SYT1: variants seen among roughly 807,000 people sequenced by gnomAD.
SYT1 encodes synaptotagmin 1.
Under a neutral mutation model 44.8 loss-of-function variants are expected in SYT1, and 8 were observed. That is an observed-to-expected ratio of 0.18 (90% CI 0.10 to 0.32). The LOEUF (loss-of-function observed/expected upper bound fraction) is 0.32. Among genes scored for constraint, SYT1 ranks in the 10% least tolerant of loss-of-function variants. The pLI, the probability that SYT1 is intolerant of heterozygous loss-of-function variation, is 1.00. For synonymous variants in SYT1, 154 were observed against 188.8 expected, an observed-to-expected ratio of 0.82 and a Z score of 1.51; for missense variants, 286 against 509.3, an observed-to-expected ratio of 0.56 and a Z score of 4.22.
At chr12:79,193,831 C>T (rs1873276797) in intron 3 of SYT1, among the ~76,000 whole-genome samples, 2 of 152,154 alleles carry the variant, frequency 1.3e-5, no homozygotes, top group Admixed American at 6.5e-5. Context: ...TCAAATTCCA[C>T]ATTTTTTATT....
rs1235378774 is a variant in SYT1, at chr12:78,866,687, G to A, written c.-217+1578G>A. Among the ~76,000 whole-genome samples, 3 of 152,268 alleles carry A rather than the reference G, an allele frequency of 2.0e-5. No homozygotes were observed. The East Asian group carries it at 5.8e-4, about 29-fold the overall frequency. On this transcript the variant is annotated intron_variant, in intron 1 of 10. Coordinates refer to ENST00000261205, the MANE Select transcript of SYT1 (RefSeq NM_005639.3). ...TTGATGTAATAGGAAAGCATTCCAA[G>A]TGGGTCTTACCTGAACACAGAGAAA... is the stretch of plus-strand genomic sequence containing the variant.
chr12:79,012,670 TC>T (rs564483527), intron 2 of SYT1, among the ~76,000 whole-genome samples: 185 of 152,266 alleles, frequency 1.2e-3, no homozygotes, highest in Non-Finnish European at 2.2e-3. Context: ...TTATAATATT[TC>T]CTGGTTCCTT....
chr12:78,970,774 A>C (rs1868354894), intron 1 of SYT1, among the ~76,000 whole-genome samples: 1 of 152,216 alleles, frequency 6.6e-6, no homozygotes, highest in Admixed American at 6.5e-5. Flanking sequence ...TCAACCGAGA[A>C]ATAAACCCAA....
intron 2 of SYT1, among the ~76,000 whole-genome samples, chr12:79,027,536 A>T (rs1326653559): frequency 6.6e-6 from 1 of 151,422 alleles, no homozygotes; most frequent in Non-Finnish European, 1.5e-5. Context: ...CATAGATATT[A>T]TGTAGATATA....
intron 2 of SYT1, among the ~76,000 whole-genome samples, chr12:78,982,141 G>T (rs1419249978): frequency 6.6e-6 from 1 of 152,116 alleles, no homozygotes; most frequent in African/African-American, 2.4e-5. Flanking sequence ...TACATTCAAA[G>T]TGAAGAAAAA....
At chr12:79,137,398 A>G (rs949242212) in intron 3 of SYT1, among the ~76,000 whole-genome samples, 51 of 152,194 alleles carry the variant, frequency 3.4e-4, no homozygotes, top group Non-Finnish European at 2.8e-4. Flanking sequence ...ACCCGGCCAG[A>G]ACTTTTTTAT....
chr12:79,117,791 G>A (rs183854343), intron 3 of SYT1, among the ~76,000 whole-genome samples: 67 of 143,900 alleles, frequency 4.7e-4, no homozygotes, highest in African/African-American at 1.6e-3. Flanking sequence ...ATTATTTATG[G>A]CACTGTTGGT....
intron 1 of SYT1, among the ~76,000 whole-genome samples, chr12:78,873,969 T>G (rs2137039713): frequency 6.6e-6 from 1 of 151,710 alleles, no homozygotes; most frequent in Middle Eastern, 3.4e-3. Flanking sequence ...AACAGGAATT[T>G]TAGTTGGGAA....
intron 4 of SYT1, among the ~76,000 whole-genome samples, chr12:79,254,522 T>G (rs1160041560): frequency 1.3e-5 from 2 of 152,224 alleles, no homozygotes; most frequent in Admixed American, 6.5e-5. Flanking sequence ...TAACACAACA[T>G]CCTTTCTGAA....
intron 8 of SYT1, among the ~76,000 whole-genome samples, chr12:79,301,899 TGTATA>T (rs1565898322): frequency 6.6e-5 from 10 of 152,168 alleles, no homozygotes; most frequent in African/African-American, 2.4e-4. Context: ...TATAAAAAAC[TGTATA>T]AGACAGATGT....
At chr12:79,442,527 A>G (rs1158512267) in intron 9 of SYT1, among the ~76,000 whole-genome samples, 3 of 152,162 alleles carry the variant, frequency 2.0e-5, no homozygotes, top group Non-Finnish European at 4.4e-5. Flanking sequence ...CATATATCCT[A>G]GTAATGCAGT....
chr12:79,205,958 C>G (rs74107347), intron 3 of SYT1, among the ~76,000 whole-genome samples: 1 of 151,966 alleles, frequency 6.6e-6, no homozygotes, highest in Non-Finnish European at 1.5e-5. Context: ...TTAGGAAATA[C>G]GTATTTCATG....
At chr12:79,264,359 T>G (rs1468558889) in intron 4 of SYT1, among the ~76,000 whole-genome samples, 1 of 152,122 alleles carries the variant, frequency 6.6e-6, no homozygotes, top group Admixed American at 6.5e-5. Context: ...TTTTGTATTT[T>G]TAGCAGAGAC....
chr12:79,391,394 A>G lies in SYT1; in HGVS notation c.928+37775A>G, dbSNP rs145440384. On this transcript the variant is annotated intron_variant, in intron 9 of 10. Coordinates refer to ENST00000261205, the MANE Select transcript of SYT1 (RefSeq NM_005639.3). ...AGCAGTGATTTTCAAAGCCAACAGT[A>G]AAAGAAGCTTTCAAAAATCCCTTCC... Among the ~76,000 whole-genome samples the G allele has an allele frequency of 5.2e-3, 785 of 152,346 alleles. 5 individuals carry two copies. Among genetic ancestry groups the G allele is most frequent in the African/African-American group, 0.017 (706 of 41,576 alleles).
At chr12:79,115,246 G>A (rs960715703) in intron 3 of SYT1, among the ~76,000 whole-genome samples, 24 of 152,214 alleles carry the variant, frequency 1.6e-4, no homozygotes, top group African/African-American at 4.3e-4. Flanking sequence ...TTACCTCTGG[G>A]CAGGACTGAG....
At chr12:79,002,650 A>G (rs1488018274) in intron 2 of SYT1, among the ~76,000 whole-genome samples, 1 of 151,956 alleles carries the variant, frequency 6.6e-6, no homozygotes, top group Non-Finnish European at 1.5e-5. Context: ...TATTTCATTT[A>G]TATTCCAAGT....
intron 1 of SYT1, among the ~76,000 whole-genome samples, chr12:78,912,835 G>GGA (rs1355461566): frequency 1.3e-5 from 2 of 151,706 alleles, no homozygotes; most frequent in African/African-American, 4.8e-5. Flanking sequence ...ATTATCACTG[G>GGA]GAATACCCAC....
rs183738187 is a variant in SYT1, at chr12:78,946,795, A to T, written c.-216-31004A>T. 7.2e-5 allele frequency among the ~76,000 whole-genome samples: 11 copies of T among 152,328 alleles called. No homozygotes were observed. The East Asian group carries it at 1.5e-3, about 21-fold the overall frequency. On this transcript the variant is annotated intron_variant, in intron 1 of 10. Transcript: ENST00000261205. ...ACTCAGTAAATCTATAGTGCCTATA[A>T]CATTATACTAAATAAGTAATAAATA...
intron 3 of SYT1, among the ~76,000 whole-genome samples, chr12:79,092,082 ACTTCT>A (rs762502312): frequency 1.1e-4 from 17 of 152,034 alleles, no homozygotes; most frequent in Non-Finnish European, 2.1e-4. Context: ...TTGAGTGAAT[ACTTCT>A]CTTCTCAAGG....
Sources: allele counts gnomAD v4.1 joint callset (sites outside exome capture counted in the v4.1 genomes callset), GRCh38; gene constraint gnomAD v4.1.1; transcripts MANE v1.5; gene names NCBI Gene and HGNC (gene_info 2026-07-23, HGNC 2026-07-21).